The following PDPN variants were observed in gnomAD, a reference collection of about 807,000 sequenced individuals.
PDPN encodes PA2.26 antigen.
Under a neutral mutation model 23.2 loss-of-function variants are expected in PDPN, and 12 were observed. That is an observed-to-expected ratio of 0.52 (90% confidence interval 0.33 to 0.84). PDPN has a LOEUF of 0.84. Ranked by LOEUF, PDPN falls within the 40% of genes least tolerant of loss-of-function variation. The pLI is 0.02. For synonymous variants in PDPN, 77 were observed against 76.7 expected (o/e 1.00, Z -0.02); for missense variants, 199 against 212.2 (o/e 0.94, Z 0.39).
intron 1 of PDPN, among the ~76,000 whole-genome samples, chr1:13,586,863 C>T (rs1186883745): frequency 6.6e-6 from 1 of 151,354 alleles, no homozygotes. Flanking sequence ...ACCAGCCTGG[C>T]CAATATGGTG....
intron 1 of PDPN, among the ~76,000 whole-genome samples, chr1:13,590,476 A>G (rs1389324095): frequency 6.6e-6 from 1 of 152,200 alleles, no homozygotes; most frequent in Non-Finnish European, 1.5e-5. Context: ...AGCTAGAAAA[A>G]GCCTTGTGGG....
At chr1:13,615,112 G>C (rs1264583222) in intron 5 of PDPN, among the ~76,000 whole-genome samples, 1 of 152,116 alleles carries the variant, frequency 6.6e-6, no homozygotes, top group Non-Finnish European at 1.5e-5. Context: ...ACTGAGGATG[G>C]GGTCTTTTTC....
rs772302763 is a variant in PDPN at position 13,614,457 on chromosome 1, C to T, written c.482+46C>T. ...CATGTGATAGGCAAATGAAAGCCAT[C>T]GTGTCTAGAACTCAAATCTTTGAAC... On this transcript the variant is annotated intron_variant, in intron 5 of 5. Coordinates refer to ENST00000621990, the MANE Select transcript of PDPN (RefSeq NM_006474.5). 10 of 973,296 alleles carry T rather than the reference C, an allele frequency of 1.0e-5. 1 individual carries two copies. The highest frequency in any genetic ancestry group is 5.4e-5 in the South Asian group (4 of 74,750). 60.3% of individuals were successfully genotyped at this position (973,296 alleles called of 1,614,324 possible).
At position 13,607,293 on chromosome 1, in the gene PDPN, G is replaced by A; in HGVS notation, c.188G>A (p.Gly63Asp). ...ACCAGCGAAGACCGCTATAAGTCTGGCTTGACAACTCTGGTCAGTGTCCTG... is the reference window on the plus strand; with the variant it reads ...ACCAGCGAAGACCGCTATAAGTCTGACTTGACAACTCTGGTCAGTGTCCTG... ...PGTSEDRYKS[G>D]LTTLVATSVN... is the part of the protein sequence containing the mutation. The change falls in exon 2 of 6, where the codon GGC becomes GAC. Residue 63 changes from glycine (G) to aspartate (D), a missense_variant. Transcript: ENST00000621990. The A allele has an allele frequency of 1.2e-6, 2 of 1,614,012 alleles. No individual in the cohort carries two copies. Among genetic ancestry groups the A allele is most frequent in the Non-Finnish European group, 1.7e-6 (2 of 1,179,940 alleles).
intron 4 of PDPN, 143 bp downstream of exon 4, chr1:13,613,868 AGCT>A: frequency 2.0e-5 from 8 of 404,968 alleles, no homozygotes; most frequent in Non-Finnish European, 2.6e-5. Context: ...ACAGATTTCA[AGCT>A]TTTTTTTTTT....
At chr1:13,585,280 A>C (rs371070985) in intron 1 of PDPN, among the ~76,000 whole-genome samples, 1 of 152,214 alleles carries the variant, frequency 6.6e-6, no homozygotes, top group African/African-American at 2.4e-5. Flanking sequence ...ACAATGGTCC[A>C]CACAGACAAA....
intron 2 of PDPN, among the ~76,000 whole-genome samples, chr1:13,609,516 A>T (rs905303254): frequency 2.6e-5 from 4 of 152,142 alleles, no homozygotes; most frequent in African/African-American, 9.7e-5. Context: ...GTATATTCAC[A>T]TCATTAAACC....
At chr1:13,594,830 C>CAA (rs71570150) in intron 1 of PDPN, among the ~76,000 whole-genome samples, 143 of 130,624 alleles carry the variant, frequency 1.1e-3, no homozygotes, top group African/African-American at 3.0e-3. Flanking sequence ...ACTAAAAATA[C>CAA]AAAAAAAAAA....
At chr1:13,591,544 A>G (rs954499583) in intron 1 of PDPN, among the ~76,000 whole-genome samples, 1 of 151,968 alleles carries the variant, frequency 6.6e-6, no homozygotes, top group Non-Finnish European at 1.5e-5. Context: ...ACCGCCATCG[A>G]TCTACTTTCT....
chr1:13,599,055 G>T (rs1427517170), intron 1 of PDPN, among the ~76,000 whole-genome samples: 2 of 141,866 alleles, frequency 1.4e-5, no homozygotes, highest in African/African-American at 5.3e-5. Flanking sequence ...TCTGTCACTA[G>T]CCTGGAGTGT....
rs1233023818 is a variant in PDPN at position 13,584,098 on chromosome 1, GAGGTA to G, written c.67+1_67+5del. 2 of 1,612,874 alleles carry G rather than the reference GAGGTA, an allele frequency of 1.2e-6. No individual in the cohort carries two copies. Among genetic ancestry groups the G allele is most frequent in the Non-Finnish European group, 1.7e-6 (2 of 1,179,966 alleles). On this transcript the variant is annotated splice_donor_variant and splice_donor_region_variant and coding_sequence_variant and intron_variant, in exon 1 of 6. Coordinates refer to ENST00000621990, the MANE Select transcript of PDPN (RefSeq NM_006474.5). LOFTEE classifies it high-confidence loss of function. ...GCGTCGCTCTGGGTCCTGGCAGAAG[GAGGTA>G]AGACCCAGCGCAAGTGGCTTCCTGC... is the stretch of plus-strand genomic sequence containing the variant.
At chr1:13,598,445 A>G (rs1640553420) in intron 1 of PDPN, among the ~76,000 whole-genome samples, 2 of 152,128 alleles carry the variant, frequency 1.3e-5, no homozygotes, top group African/African-American at 4.8e-5. Flanking sequence ...TGTCTTTCTT[A>G]GATAACAGAA....
upstream of PDPN, chr1:13,583,818 C>G (rs778134240): frequency 6.5e-7 from 1 of 1,549,468 alleles, no homozygotes; most frequent in Non-Finnish European, 8.7e-7. Flanking sequence ...GCTGACTCCG[C>G]TCGGAAAGTT....
In PDPN at chr1:13,584,111, G is replaced by C; in HGVS notation, c.67+11G>C. ...TCCTGGCAGAAGGAGGTAAGACCCA[G>C]CGCAAGTGGCTTCCTGCCGTCGCTG... is the stretch of plus-strand genomic sequence containing the variant. On this transcript the variant is annotated intron_variant, in intron 1 of 5. Coordinates refer to ENST00000621990, the MANE Select transcript of PDPN (RefSeq NM_006474.5). 6.2e-7 allele frequency: 1 copy of C among 1,612,560 alleles called. No individual in the cohort carries two copies. The highest frequency in any genetic ancestry group is 8.5e-7 in the Non-Finnish European group (1 of 1,179,674).
chr1:13,613,853 C>T (rs111804818), intron 4 of PDPN, 128 bp downstream of exon 4: 25 of 478,542 alleles, frequency 5.2e-5, no homozygotes, highest in African/African-American at 2.5e-4. Flanking sequence ...GAAAACATTC[C>T]GAGAACAGAT....
intron 1 of PDPN, among the ~76,000 whole-genome samples, chr1:13,595,553 T>C (rs1640472789): frequency 6.6e-6 from 1 of 152,198 alleles, no homozygotes; most frequent in Non-Finnish European, 1.5e-5. Context: ...GTGCTGGATT[T>C]CTCCTGATTT....
intron 1 of PDPN, among the ~76,000 whole-genome samples, chr1:13,595,381 C>A (rs773272586): frequency 5.3e-5 from 8 of 152,118 alleles, no homozygotes; most frequent in Admixed American, 2.6e-4. Context: ...TTGCCCAGTT[C>A]AGCTGCAGAA....
chr1:13,601,471 C>G (rs1237887339), intron 1 of PDPN, among the ~76,000 whole-genome samples: 1 of 152,252 alleles, frequency 6.6e-6, no homozygotes, highest in Non-Finnish European at 1.5e-5. Flanking sequence ...ATTCTCCTGC[C>G]TCAGCCTCCT....
At chr1:13,602,012 C>CA (rs1557544179) in intron 1 of PDPN, among the ~76,000 whole-genome samples, 21 of 144,328 alleles carry the variant, frequency 1.5e-4, no homozygotes, top group African/African-American at 4.9e-4. Context: ...GTGGCTCATG[C>CA]CTTTGGGTGG....
Sources: allele counts gnomAD v4.1 joint callset (sites outside exome capture counted in the v4.1 genomes callset), GRCh38; gene constraint gnomAD v4.1.1; transcripts MANE v1.5; gene names NCBI Gene and HGNC (gene_info 2026-07-23, HGNC 2026-07-21).